The following LINGO2 variants were observed in gnomAD, a reference collection of about 807,000 sequenced individuals.
LINGO2 encodes leucine-rich repeat and immunoglobulin-like domain-containing nogo receptor-interacting protein 2.
In LINGO2, 14 loss-of-function variants were observed where a neutral mutation model predicts 30.6. The ratio of observed to expected loss-of-function variants is 0.46; its 90% CI spans 0.30 to 0.72. The LOEUF is 0.72. Ranked by LOEUF, LINGO2 falls within the 30% of genes least tolerant of loss-of-function variation. LINGO2 has a pLI of 0.07. For synonymous variants in LINGO2, 317 were observed against 288.5 expected, an observed-to-expected ratio of 1.10 and a Z score of -1.00; for missense variants, 729 against 751.7, an observed-to-expected ratio of 0.97 and a Z score of 0.35.
intron 3 of LINGO2, among the ~76,000 whole-genome samples, chr9:28,315,879 A>C (rs1244998715): frequency 6.6e-6 from 1 of 152,218 alleles, no homozygotes; most frequent in African/African-American, 2.4e-5. Flanking sequence ...ATAATAGCGT[A>C]AGATTTGTGA....
At chr9:28,019,891 TGAG>T (rs1376706336) in intron 4 of LINGO2, among the ~76,000 whole-genome samples, 1 of 152,146 alleles carries the variant, frequency 6.6e-6, no homozygotes, top group Non-Finnish European at 1.5e-5. Context: ...ACTTGTCAAA[TGAG>T]GAGATGGGCC....
intron 4 of LINGO2, among the ~76,000 whole-genome samples, chr9:28,138,677 C>A (rs1369098637): frequency 6.6e-6 from 1 of 152,060 alleles, no homozygotes; most frequent in Non-Finnish European, 1.5e-5. Context: ...GTCCTTAGGC[C>A]TCCTTTAAGA....
intron 3 of LINGO2, among the ~76,000 whole-genome samples, chr9:28,361,284 T>C (rs1366139824): frequency 6.6e-6 from 1 of 152,168 alleles, no homozygotes; most frequent in Non-Finnish European, 1.5e-5. Flanking sequence ...TTAGTTATTG[T>C]TGTTCATCTT....
intron 1 of LINGO2, among the ~76,000 whole-genome samples, chr9:28,669,779 A>G (rs931316065): frequency 2.4e-4 from 36 of 152,108 alleles, no homozygotes; most frequent in Admixed American, 1.2e-3. Context: ...ATTTAAATTT[A>G]TATACCTCTT....
the LINGO2 span, among the ~76,000 whole-genome samples, chr9:28,803,886 A>G: frequency 7.9e-5 from 12 of 152,046 alleles, no homozygotes; most frequent in Non-Finnish European, 4.4e-5. Context: ...ATTTAGTTTT[A>G]TTTATTTATG....
chr9:28,941,645 T>C, the LINGO2 span, among the ~76,000 whole-genome samples: 2 of 152,200 alleles, frequency 1.3e-5, no homozygotes, highest in Admixed American at 1.3e-4. Context: ...TTTTCAGAGC[T>C]ATTATATGCA....
At chr9:28,103,990 G>A (rs1826494321) in intron 4 of LINGO2, among the ~76,000 whole-genome samples, 1 of 151,970 alleles carries the variant, frequency 6.6e-6, no homozygotes, top group Non-Finnish European at 1.5e-5. Flanking sequence ...TTATTAAAGG[G>A]TGCTTTTAAT....
chr9:29,088,404 G>A, the LINGO2 span, among the ~76,000 whole-genome samples: 1 of 152,076 alleles, frequency 6.6e-6, no homozygotes. Context: ...AGTCGACTCT[G>A]AGTAAACCAT....
chr9:28,422,493 G>T (rs1322115912), intron 2 of LINGO2, among the ~76,000 whole-genome samples: 2 of 149,166 alleles, frequency 1.3e-5, no homozygotes, highest in Admixed American at 1.3e-4. Context: ...CGCTAGGATG[G>T]CTACTATTAA....
At chr9:28,861,080 T>C in the LINGO2 span, among the ~76,000 whole-genome samples, 1 of 123,596 alleles carries the variant, frequency 8.1e-6, no homozygotes, top group Non-Finnish European at 1.6e-5. Flanking sequence ...TATATAAATA[T>C]ATAATATAAA....
the LINGO2 span, among the ~76,000 whole-genome samples, chr9:28,756,945 A>G: frequency 1.3e-5 from 2 of 152,062 alleles, no homozygotes; most frequent in Admixed American, 6.5e-5. Flanking sequence ...TCTCAAAAAA[A>G]AGAAGTGAGA....
At chr9:29,095,812 T>C in the LINGO2 span, among the ~76,000 whole-genome samples, 71 of 138,478 alleles carry the variant, frequency 5.1e-4, 13 homozygotes, top group African/African-American at 1.8e-3. Context: ...CCAATACTGA[T>C]TCATTAAATA....
chr9:28,699,102 A>C, the LINGO2 span, among the ~76,000 whole-genome samples: 1 of 151,934 alleles, frequency 6.6e-6, no homozygotes, highest in Admixed American at 6.6e-5. Context: ...TACAATTACT[A>C]TGGTCAATGA....
chr9:28,078,242 T>C (rs1190964276), intron 4 of LINGO2, among the ~76,000 whole-genome samples: 1 of 148,872 alleles, frequency 6.7e-6, no homozygotes, highest in Non-Finnish European at 1.5e-5. Context: ...ACTCAGGAAG[T>C]GTGTGTCTCC....
At chr9:28,872,983 A>T in the LINGO2 span, among the ~76,000 whole-genome samples, 1 of 152,164 alleles carries the variant, frequency 6.6e-6, no homozygotes, top group East Asian at 1.9e-4. Context: ...TCAGTTAAAC[A>T]TAATCCATAT....
intron 4 of LINGO2, among the ~76,000 whole-genome samples, chr9:28,109,553 G>T (rs576897301): frequency 6.6e-6 from 1 of 152,192 alleles, no homozygotes; most frequent in Non-Finnish European, 1.5e-5. Context: ...AAAGTCTCAG[G>T]ATACAAAATC....
chr9:28,219,563 C>T (rs1219176656), intron 4 of LINGO2, among the ~76,000 whole-genome samples: 1 of 152,158 alleles, frequency 6.6e-6, no homozygotes, highest in Non-Finnish European at 1.5e-5. Context: ...ATGCCTGTCA[C>T]ATAGATCTTT....
the LINGO2 span, among the ~76,000 whole-genome samples, chr9:28,981,969 A>G: frequency 6.6e-6 from 1 of 152,152 alleles, no homozygotes; most frequent in Non-Finnish European, 1.5e-5. Context: ...AACTGCCGGC[A>G]TAAGTGTTAC....
At chr9:29,095,036 A>G in the LINGO2 span, among the ~76,000 whole-genome samples, 2 of 138,706 alleles carry the variant, frequency 1.4e-5, no homozygotes, top group Admixed American at 1.5e-4. Context: ...AAACCATACC[A>G]CAACAAATGC....
Sources: allele counts gnomAD v4.1 joint callset (sites outside exome capture counted in the v4.1 genomes callset), GRCh38; gene constraint gnomAD v4.1.1; transcripts MANE v1.5; gene names NCBI Gene and HGNC (gene_info 2026-07-23, HGNC 2026-07-21).